The following PEBP4 variants were observed in gnomAD, a reference collection of about 807,000 sequenced individuals.
PEBP4 encodes phosphatidylethanolamine-binding protein 4.
Under a neutral mutation model 23.9 loss-of-function variants are expected in PEBP4, and 22 were observed. The ratio of observed to expected loss-of-function variants is 0.92; its 90% CI spans 0.66 to 1.31. PEBP4 has a LOEUF of 1.31. Among genes scored for constraint, PEBP4 ranks in the 40% most tolerant of loss-of-function variants. The pLI is 0.00. For synonymous variants in PEBP4, 112 were observed against 99.3 expected (o/e 1.13, Z -0.76); for missense variants, 324 against 281.7 (o/e 1.15, Z -1.07).
intron 4 of PEBP4, among the ~76,000 whole-genome samples, chr8:22,746,055 C>G (rs984615933): frequency 6.6e-6 from 1 of 152,098 alleles, no homozygotes; most frequent in Non-Finnish European, 1.5e-5. Flanking sequence ...AGCATTGTCC[C>G]CTGGTCTGAA....
At chr8:22,882,509 C>T (rs951581986) in intron 3 of PEBP4, among the ~76,000 whole-genome samples, 1 of 152,282 alleles carries the variant, frequency 6.6e-6, no homozygotes, top group Admixed American at 6.5e-5. Context: ...CTACCATGCC[C>T]TATTTTGATC....
chr8:22,776,720 G>A (rs1194345721), intron 4 of PEBP4, among the ~76,000 whole-genome samples: 1 of 150,782 alleles, frequency 6.6e-6, no homozygotes, highest in Non-Finnish European at 1.5e-5. Flanking sequence ...TTGACTTAAG[G>A]AGCTAAGTGG....
At chr8:22,805,942 TAACTCTTC>T (rs1806486186) in intron 4 of PEBP4, among the ~76,000 whole-genome samples, 1 of 152,178 alleles carries the variant, frequency 6.6e-6, no homozygotes, top group Non-Finnish European at 1.5e-5. Flanking sequence ...AGGAGAGGTA[TAACTCTTC>T]AATGGTCTGA....
chr8:22,812,702 T>G (rs58800649), intron 4 of PEBP4, among the ~76,000 whole-genome samples: 11,595 of 152,212 alleles, frequency 0.076, 773 homozygotes, highest in African/African-American at 0.18. Context: ...TGATAAAGAT[T>G]GTTTATTCTG....
At chr8:22,728,532 C>G (rs1183847281) in intron 4 of PEBP4, among the ~76,000 whole-genome samples, 1 of 150,602 alleles carries the variant, frequency 6.6e-6, no homozygotes, top group African/African-American at 2.5e-5. Context: ...TGGCTTGCTT[C>G]TTTCTTCCTT....
chr8:22,895,214 C>T (rs941352586), intron 3 of PEBP4, among the ~76,000 whole-genome samples: 14 of 152,156 alleles, frequency 9.2e-5, no homozygotes, highest in African/African-American at 3.4e-4. Context: ...GTTCTGTTCA[C>T]TCAGTGGGTT....
intron 4 of PEBP4, among the ~76,000 whole-genome samples, chr8:22,803,251 C>T (rs1563221177): frequency 2.0e-5 from 3 of 152,166 alleles, no homozygotes; most frequent in Non-Finnish European, 2.9e-5. Context: ...ACAACACACT[C>T]GGCCCCTGAA....
chr8:22,728,661 G>A lies in PEBP4; in HGVS notation c.358-1441C>T, dbSNP rs796911570. 1.6e-4 allele frequency among the ~76,000 whole-genome samples: 23 copies of A among 145,998 alleles called. 1 individual carries two copies. Among genetic ancestry groups the A allele is most frequent in the African/African-American group, 4.1e-4 (16 of 38,702 alleles). Reference sequence around the variant, plus strand: ...CATCCAGGCTGGAGTGCAGTGGTACGATCTTAGTTCACTGCAACCTCCGCC... The same window carrying A: ...CATCCAGGCTGGAGTGCAGTGGTACAATCTTAGTTCACTGCAACCTCCGCC... On this transcript the variant is annotated intron_variant, in intron 4 of 6. Coordinates refer to ENST00000256404, the MANE Select transcript of PEBP4 (RefSeq NM_144962.3).
chr8:22,741,871 AG>A (rs1805002853), intron 4 of PEBP4, among the ~76,000 whole-genome samples: 1 of 152,170 alleles, frequency 6.6e-6, no homozygotes. Context: ...AACCATGACA[AG>A]GGCCCAGCTG....
In PEBP4 at chr8:22,781,004, T is replaced by C. The variant is rs116371460; in HGVS notation, c.357+36633A>G. ...TGGCTCAAAGAGACTCCGTAACTTG[T>C]GAAGACAGCGCAGTTAGCAAGCAGC... is the stretch of plus-strand genomic sequence containing the variant. On this transcript the variant is annotated intron_variant, in intron 4 of 6. Transcript: ENST00000256404. 4.1e-3 allele frequency among the ~76,000 whole-genome samples: 627 copies of C among 152,316 alleles called. 7 individuals are homozygous for C. The highest frequency in any genetic ancestry group is 0.014 in the African/African-American group (600 of 41,566).
chr8:22,856,738 T>C (rs543420253), intron 3 of PEBP4, among the ~76,000 whole-genome samples: 2 of 151,648 alleles, frequency 1.3e-5, no homozygotes, highest in East Asian at 1.9e-4. Flanking sequence ...AATAAATAAA[T>C]ATATAGAAAA....
chr8:22,750,714 C>G (rs1440261711), intron 4 of PEBP4, among the ~76,000 whole-genome samples: 2 of 152,102 alleles, frequency 1.3e-5, no homozygotes, highest in Admixed American at 6.5e-5. Flanking sequence ...GGGCCACTTC[C>G]CCATCCCTAG....
At chr8:22,755,967 T>A (rs1805371687) in intron 4 of PEBP4, 1 of 152,254 alleles carries the variant, frequency 6.6e-6, no homozygotes, top group Non-Finnish European at 1.5e-5. Flanking sequence ...CTTATTCATC[T>A]TTGAAGCTCC....
At chr8:22,919,423 T>A (rs1316492116) in intron 3 of PEBP4, among the ~76,000 whole-genome samples, 1 of 152,154 alleles carries the variant, frequency 6.6e-6, no homozygotes, top group Non-Finnish European at 1.5e-5. Flanking sequence ...CTCTGCGGGC[T>A]CAGTCTGGCC....
At chr8:22,858,838 T>C (rs1005982651) in intron 3 of PEBP4, among the ~76,000 whole-genome samples, 6 of 152,042 alleles carry the variant, frequency 3.9e-5, no homozygotes, top group African/African-American at 1.4e-4. Context: ...TCCCAGCTAT[T>C]TGGGAGGCTG....
At chr8:22,862,942 A>G (rs1024391597) in intron 3 of PEBP4, among the ~76,000 whole-genome samples, 1 of 151,910 alleles carries the variant, frequency 6.6e-6, no homozygotes, top group Non-Finnish European at 1.5e-5. Flanking sequence ...CTGGGACTAC[A>G]AGCGCCCGCC....
chr8:22,840,246 G>A (rs547185074), intron 3 of PEBP4, among the ~76,000 whole-genome samples: 1 of 152,272 alleles, frequency 6.6e-6, no homozygotes, highest in Admixed American at 6.5e-5. Flanking sequence ...GAGCATCGTG[G>A]CCTAGATTTT....
At chr8:22,883,025 T>C (rs1041155659) in intron 3 of PEBP4, among the ~76,000 whole-genome samples, 15 of 152,184 alleles carry the variant, frequency 9.9e-5, no homozygotes, top group African/African-American at 3.6e-4. Context: ...CTGCGAGACA[T>C]ACCCCCTGCC....
At chr8:22,864,510 C>G (rs1191261956) in intron 3 of PEBP4, among the ~76,000 whole-genome samples, 2 of 152,276 alleles carry the variant, frequency 1.3e-5, no homozygotes, top group East Asian at 3.9e-4. Flanking sequence ...GGGTTCTGTC[C>G]CAGCTGGGTC....
Sources: gnomAD v4.1 joint callset for allele counts (sites outside exome capture counted in the v4.1 genomes callset) on GRCh38, gnomAD v4.1.1 for gene constraint, MANE v1.5 for transcripts, NCBI Gene and HGNC (gene_info 2026-07-23, HGNC 2026-07-21) for gene names.